TMEM245: variants seen among roughly 807,000 people sequenced by gnomAD.
TMEM245 encodes the protein transmembrane protein 245.
In TMEM245, 69 loss-of-function variants were observed where a neutral mutation model predicts 101.2. The observed-to-expected ratio is 0.68, with a 90% CI of 0.56 to 0.83. The LOEUF (loss-of-function observed/expected upper bound fraction) is 0.83. Ranked by LOEUF, TMEM245 falls within the 40% of genes least tolerant of loss-of-function variation. The probability of loss-of-function intolerance (pLI) is 0.00; values close to 1 mark genes in which losing one functional copy is unlikely to be tolerated. For synonymous variants in TMEM245, 537 were observed against 449.8 expected, an observed-to-expected ratio of 1.19 and a Z score of -2.45; for missense variants, 1,075 against 1,092.8, an observed-to-expected ratio of 0.98 and a Z score of 0.23.
In TMEM245 at chr9:109,080,831, T is replaced by C. The variant is rs373489722; in HGVS notation, c.1449+8A>G. On this transcript the variant is annotated splice_region_variant and intron_variant, in intron 8 of 17. Coordinates refer to ENST00000374586, the MANE Select transcript of TMEM245 (RefSeq NM_032012.4). ...TTATTAATGAGAATAATAATCACTGTACTCTACCTTTGCAGTCAGGAGTAG... is the reference window on the plus strand; with the variant it reads ...TTATTAATGAGAATAATAATCACTGCACTCTACCTTTGCAGTCAGGAGTAG... 5 of 1,503,166 alleles carry C rather than the reference T, an allele frequency of 3.3e-6. No homozygotes were observed. The highest frequency in any genetic ancestry group is 4.6e-6 in the Non-Finnish European group (5 of 1,082,500). 93.1% of individuals were successfully genotyped at this position (1,503,166 alleles called of 1,614,324 possible).
At chr9:109,071,176 C>T (rs1338908195) in intron 9 of TMEM245, among the ~76,000 whole-genome samples, 2 of 152,116 alleles carry the variant, frequency 1.3e-5, no homozygotes, top group Non-Finnish European at 1.5e-5. Context: ...CCACCCACCG[C>T]ACCTGGCCAA....
intron 8 of TMEM245, among the ~76,000 whole-genome samples, chr9:109,073,856 G>GTTTTTTTTTTTTTTT (rs904054098): frequency 8.3e-6 from 1 of 119,864 alleles, no homozygotes; most frequent in African/African-American, 3.3e-5. Context: ...TTTTTTTTTT[G>GTTTTTTTTTTTTTTT]TTTTTTTTTT....
chr9:109,118,133 C>T (rs969791632), intron 1 of TMEM245, among the ~76,000 whole-genome samples: 8 of 152,196 alleles, frequency 5.3e-5, no homozygotes, highest in African/African-American at 1.9e-4. Flanking sequence ...AAGACGGGAC[C>T]TGTATCTTAG....
intron 14 of TMEM245, chr9:109,039,076 A>G (rs935941676): frequency 5.3e-5 from 8 of 152,368 alleles, no homozygotes; most frequent in African/African-American, 1.9e-4. Context: ...GACCTTGTAC[A>G]TGCAAAAAGA....
At chr9:109,099,076 A>G (rs181950493) in intron 3 of TMEM245, among the ~76,000 whole-genome samples, 172 of 152,276 alleles carry the variant, frequency 1.1e-3, no homozygotes, top group African/African-American at 4.0e-3. Flanking sequence ...ACATCCAAAC[A>G]TGCTTATTGG....
chr9:109,066,025 A>G (rs1829155705), intron 9 of TMEM245, among the ~76,000 whole-genome samples: 1 of 152,256 alleles, frequency 6.6e-6, no homozygotes, highest in Non-Finnish European at 1.5e-5. Flanking sequence ...GAAAAAAATA[A>G]GAGATCTTTT....
intron 5 of TMEM245, among the ~76,000 whole-genome samples, chr9:109,089,855 A>G (rs1360367139): frequency 1.3e-5 from 2 of 152,136 alleles, no homozygotes; most frequent in African/African-American, 4.8e-5. Context: ...ATGTAATTTA[A>G]TTTTTCTGCC....
At chr9:109,081,048 G>A (rs983592853) in intron 7 of TMEM245, 105 bp from the exon 8 acceptor site, 10 of 693,432 alleles carry the variant, frequency 1.4e-5, no homozygotes, top group Non-Finnish European at 2.5e-5. Flanking sequence ...GCATGGCAAA[G>A]CAAATTATGG....
intron 12 of TMEM245, among the ~76,000 whole-genome samples, chr9:109,051,339 CAT>C (rs1491052949): frequency 3.4e-5 from 5 of 146,984 alleles, no homozygotes; most frequent in African/African-American, 9.9e-5. Flanking sequence ...CACACACACA[CAT>C]CATTGTAGAT....
At chr9:109,084,461 TTAGGTAATC>T (rs1335856857) in intron 7 of TMEM245, among the ~76,000 whole-genome samples, 1 of 152,226 alleles carries the variant, frequency 6.6e-6, no homozygotes, top group Non-Finnish European at 1.5e-5. Flanking sequence ...GTCTCATAAA[TTAGGTAATC>T]TAGCTCATTT....
intron 7 of TMEM245, among the ~76,000 whole-genome samples, chr9:109,083,154 G>C: frequency 6.6e-6 from 1 of 151,680 alleles, no homozygotes; most frequent in East Asian, 1.9e-4. Context: ...ATAAAACTAA[G>C]GACGAAAAGA....
chr9:109,102,764 G>A (rs1456441831), intron 3 of TMEM245, among the ~76,000 whole-genome samples: 1 of 152,206 alleles, frequency 6.6e-6, no homozygotes, highest in African/African-American at 2.4e-5. Flanking sequence ...TATTATCTGA[G>A]AAATTAATTC....
intron 1 of TMEM245, among the ~76,000 whole-genome samples, chr9:109,113,694 C>G (rs1258492334): frequency 6.6e-6 from 1 of 152,222 alleles, no homozygotes; most frequent in African/African-American, 2.4e-5. Context: ...TTTCAACCAT[C>G]TTTGTTTCAT....
In TMEM245 at chr9:109,119,635, A is replaced by G; in HGVS notation, c.279T>C (p.Phe93=). 1 of 1,564,314 alleles carries G rather than the reference A, an allele frequency of 6.4e-7. No individual in the cohort carries two copies. The highest frequency in any genetic ancestry group is 2.4e-5 in the East Asian group (1 of 42,188). The change falls in exon 1 of 18, where the codon TTT becomes TTC. Residue 93 remains phenylalanine (F), a synonymous_variant. Coordinates refer to ENST00000374586, the MANE Select transcript of TMEM245 (RefSeq NM_032012.4). ...TCAGCGAGCTCTTGAAGGGGTGCAG[A>G]AAAGTGCCGCATAGCACGGCCCAGA... ...PLLWAVLCGT[F]LHPFKSSLTR...
intron 3 of TMEM245, among the ~76,000 whole-genome samples, chr9:109,097,290 G>C (rs2132599225): frequency 6.6e-6 from 1 of 152,264 alleles, no homozygotes. Flanking sequence ...ACAAAGGCAA[G>C]AAAAAGCAGA....
At chr9:109,098,056 T>C (rs894168980) in intron 3 of TMEM245, among the ~76,000 whole-genome samples, 1 of 152,336 alleles carries the variant, frequency 6.6e-6, no homozygotes, top group Admixed American at 6.5e-5. Flanking sequence ...AACCCTTCTG[T>C]AGTATTTCTT....
intron 16 of TMEM245, 113 bp downstream of exon 16, chr9:109,036,093 T>G (rs1415935816): frequency 4.0e-6 from 3 of 749,518 alleles, no homozygotes; most frequent in Non-Finnish European, 5.8e-6. Flanking sequence ...TCACTGAAAA[T>G]TCCTACTACC....
At chr9:109,033,194 T>A (rs531058916) in intron 17 of TMEM245, 113 bp downstream of exon 17, 3 of 1,166,526 alleles carry the variant, frequency 2.6e-6, no homozygotes, top group Non-Finnish European at 3.5e-6. Context: ...TATCACAGCA[T>A]TGGTACTCAA....
rs199515741 is a variant in TMEM245 at position 109,091,095 on chromosome 9, G to T, written c.977C>A (p.Pro326His). Residue 326 changes from proline to histidine, a missense_variant, in exon 5 of 18, where the codon CCT becomes CAT. Physicochemically the swap from Pro to His is moderately conservative, Grantham distance 77. Around this residue, in one of 2 missense-constraint regions of TMEM245, gnomAD observed 808 missense variants for 741.5 expected, o/e 1.09. Transcript: ENST00000374586. Reference protein sequence around the residue: ...TLSTSPSPSSPSPTSPSPTLG... With the variant: ...TLSTSPSPSSHSPTSPSPTLG... ...AGTAGGTGAAGGGGAAGTGGGTGAA[G>T]GGGAGGAGGGTGAAGGGGAGGTGGA... The T allele has an allele frequency of 1.0e-3, 1,653 of 1,614,028 alleles. 4 individuals carry two copies. Among genetic ancestry groups the T allele is most frequent in the South Asian group, 1.7e-3 (153 of 91,066 alleles).
Sources: gnomAD v4.1 joint callset for allele counts (sites outside exome capture counted in the v4.1 genomes callset) on GRCh38, gnomAD v4.1.1 for gene constraint, gnomAD v4.1.1 regional missense constraint, MANE v1.5 for transcripts, NCBI Gene and HGNC (gene_info 2026-07-23, HGNC 2026-07-21) for gene names.